Variants in MFSD2B observed in about 807,000 individuals in gnomAD.
MFSD2B encodes MFSD2 lysolipid transporter B, sphingolipid.
A neutral mutation model predicts 58.4 loss-of-function variants in MFSD2B; 56 were observed. The ratio of observed to expected loss-of-function variants is 0.96; its 90% confidence interval spans 0.77 to 1.20. The LOEUF (loss-of-function observed/expected upper bound fraction) is 1.20. MFSD2B is among the 50% of genes most tolerant of loss of function. The pLI, the probability that MFSD2B is intolerant of heterozygous loss-of-function variation, is 0.00. For synonymous variants in MFSD2B, 287 were observed against 294.4 expected (o/e 0.97, Z 0.26); for missense variants, 645 against 667.6 (o/e 0.97, Z 0.37).
At chr2:24,010,240 TC>T in intron 1 of MFSD2B, 48 bp downstream of exon 1, 1 of 1,296,962 alleles carries the variant, frequency 7.7e-7, no homozygotes, top group Non-Finnish European at 9.9e-7. Flanking sequence ...CTCGGGGAGC[TC>T]CAGGGCGTCG....
At chr2:24,013,690 G>A (rs894777841) in intron 2 of MFSD2B, among the ~76,000 whole-genome samples, 12 of 151,874 alleles carry the variant, frequency 7.9e-5, no homozygotes, top group African/African-American at 2.4e-4. Context: ...TGTCCAACCC[G>A]CGGCGGGACG....
rs529024929 is a variant in MFSD2B, at chr2:24,025,825, G to C, written c.*369G>C. On this transcript the variant is annotated 3_prime_UTR_variant, in exon 14 of 14. Transcript: ENST00000338315. ...TGCAAAATCCGCCTCCCGGGTTCAC[G>C]CCATTCTCCTGCCTCAGCCTCCCGA... The C allele has an allele frequency of 2.8e-4, 57 of 205,572 alleles. No individual in the cohort carries two copies. The highest frequency in any genetic ancestry group is 1.2e-3 in the African/African-American group (53 of 43,670). The allele number at this position is 205,572 out of a possible 1,614,324, so 12.7% of individuals were successfully genotyped here.
At position 24,024,828 on chromosome 2, in the gene MFSD2B, G is replaced by A. The variant is rs900197992; in HGVS notation, c.1490+557G>A. ...GGAGTCTTCTGCTCTTCCCTCCCAC[G>A]GGCAATACTGAGCAGGTCTCTGACC... On this transcript the variant is annotated intron_variant, in intron 13 of 13. Transcript: ENST00000338315. This position sits in a 1 kb window ranked among gnomAD's most constrained non-coding sequence, Gnocchi z 4.3. Among the ~76,000 whole-genome samples, 3 of 151,998 alleles carry A rather than the reference G, an allele frequency of 2.0e-5. No homozygotes were observed. The highest frequency in any genetic ancestry group is 6.6e-5 in the Admixed American group (1 of 15,266).
At chr2:24,011,905 A>G (rs949564706) in intron 1 of MFSD2B, among the ~76,000 whole-genome samples, 1 of 152,194 alleles carries the variant, frequency 6.6e-6, no homozygotes, top group African/African-American at 2.4e-5. Flanking sequence ...TCAAACCAGA[A>G]TGACAAGGAG....
chr2:24,010,992 G>A (rs940349584), intron 1 of MFSD2B, among the ~76,000 whole-genome samples: 30 of 152,354 alleles, frequency 2.0e-4, no homozygotes, highest in African/African-American at 6.7e-4. Flanking sequence ...TTCAGGGTGA[G>A]ATTAACAGCA....
intron 1 of MFSD2B, 45 bp from the exon 2 acceptor site, chr2:24,013,240 T>C: frequency 6.5e-7 from 1 of 1,541,248 alleles, no homozygotes. Flanking sequence ...GGGGACCTGT[T>C]TTGTGTCTGT....
At position 24,023,587 on chromosome 2, in the gene MFSD2B, A is replaced by C. The variant is rs751838836; in HGVS notation, c.1174A>C (p.Met392Leu). 1 of 1,613,624 alleles carries C rather than the reference A, an allele frequency of 6.2e-7. No individual in the cohort carries two copies. The highest frequency in any genetic ancestry group is 1.7e-5 in the Admixed American group (1 of 59,974). Reference protein sequence around the residue: ...IAVSLLLPWSMLPDVVDDFQL... With the variant: ...IAVSLLLPWSLLPDVVDDFQL... ...AACTCCACACCCCCGCCGCAGGTCC[A>C]TGCTGCCAGACGTGGTGGATGACTT... Residue 392 changes from methionine to leucine, a missense_variant, in exon 12 of 14, where the codon ATG (methionine) becomes CTG (leucine). Coordinates refer to ENST00000338315, the MANE Select transcript of MFSD2B (RefSeq NM_001346880.2). This position sits in a 1 kb window ranked among gnomAD's most constrained non-coding sequence, Gnocchi z 5.0.
In MFSD2B at chr2:24,021,814, C is replaced by T. The variant is rs779966231; in HGVS notation, c.773-35C>T. ...TGGGGGCAGGTTTTGCTTTTGAACT[C>T]TGCGAAGCCAAGGTGACACGCTTCT... On this transcript the variant is annotated intron_variant, in intron 7 of 13. Coordinates refer to ENST00000338315, the MANE Select transcript of MFSD2B (RefSeq NM_001346880.2). The surrounding 1 kb of genome is among the most constrained non-coding windows in gnomAD (Gnocchi z 5.7). 6.2e-6 allele frequency: 10 copies of T among 1,613,450 alleles called. No homozygotes were observed. In the South Asian group the frequency reaches 7.7e-5, roughly 12 times the overall value.
chr2:24,023,052 G>GTT lies in MFSD2B; in HGVS notation c.1060-77_1060-76insTT. 7.3e-7 allele frequency: 1 copy of GTT among 1,376,828 alleles called. No individual in the cohort carries two copies. The highest frequency in any genetic ancestry group is 1.0e-6 in the Non-Finnish European group (1 of 971,654). The allele number at this position is 1,376,828 out of a possible 1,614,324, so 85.3% of individuals were successfully genotyped here. On this transcript the variant is annotated intron_variant, in intron 10 of 13. Coordinates refer to ENST00000338315, the MANE Select transcript of MFSD2B (RefSeq NM_001346880.2). The surrounding 1 kb of genome is among the most constrained non-coding windows in gnomAD (Gnocchi z 5.0). ...TAGCACAGGGCAAGGCATGGGGGTC[G>GTT]TCAGTCGAGTCGTGTGTGAAGGAGC...
chr2:24,023,873 G>T lies in MFSD2B; in HGVS notation c.1313+147G>T. On this transcript the variant is annotated intron_variant, in intron 12 of 13. Coordinates refer to ENST00000338315, the MANE Select transcript of MFSD2B (RefSeq NM_001346880.2). The surrounding 1 kb of genome is among the most constrained non-coding windows in gnomAD (Gnocchi z 5.0). ...GAGAGTGTGGGGAACCACTTCCCCA[G>T]GTTTCTCTGTGCATGAGACTGAGAG... 1 of 1,107,566 alleles carries T rather than the reference G, an allele frequency of 9.0e-7. No homozygotes were observed. Among genetic ancestry groups the T allele is most frequent in the Non-Finnish European group, 1.3e-6 (1 of 768,994 alleles). The allele number at this position is 1,107,566 out of a possible 1,614,324, so 68.6% of individuals were successfully genotyped here.
chr2:24,013,111 T>G (rs958217500), intron 1 of MFSD2B, 174 bp from the exon 2 acceptor site: 13 of 507,608 alleles, frequency 2.6e-5, no homozygotes, highest in African/African-American at 2.3e-4. Flanking sequence ...TAGGATCTTT[T>G]TTCTCTTCGT....
chr2:24,021,555 T>A lies in MFSD2B; in HGVS notation c.682-93T>A. On this transcript the variant is annotated intron_variant, in intron 6 of 13. Transcript: ENST00000338315. The surrounding 1 kb of genome is among the most constrained non-coding windows in gnomAD (Gnocchi z 5.7). ...GGGCTTGGGTTGTGCCTCCCTCCGC[T>A]CCCACTGGGAGGCAGTACTGCCCTG... The A allele has an allele frequency of 8.5e-7, 1 of 1,178,594 alleles. No homozygotes were observed. The highest frequency in any genetic ancestry group is 1.9e-4 in the Middle Eastern group (1 of 5,222). The allele number at this position is 1,178,594 out of a possible 1,614,324, so 73.0% of individuals were successfully genotyped here. A position where few individuals can be genotyped will look rare whatever the true frequency, so the allele number is the denominator to read the frequency against.
Position 24,022,519 on chromosome 2 carries a change from G to A in MFSD2B, c.978+3G>A, listed in dbSNP as rs775011370. 3 of 1,611,462 alleles carry A rather than the reference G, an allele frequency of 1.9e-6. No homozygotes were observed. In the African/African-American group the frequency reaches 4.0e-5, roughly 22 times the overall value. ...AGGGCCTGGTACTAACTGTCCTGGT[G>A]AGGGGGCCTGGGGTGGTGGAGGCTA... On this transcript the variant is annotated splice_donor_region_variant and intron_variant, in intron 9 of 13. Coordinates refer to ENST00000338315, the MANE Select transcript of MFSD2B (RefSeq NM_001346880.2). This position sits in a 1 kb window ranked among gnomAD's most constrained non-coding sequence, Gnocchi z 4.5.
chr2:24,023,539 G>C lies in MFSD2B; in HGVS notation c.1170-44G>C, dbSNP rs1391297124. The stretch of plus-strand genomic sequence containing the variant: ...TCCCCAGAGAATTCACAGGCTGCTG[G>C]TGGCCAAGGGGCTAGGAGGGCTAAC... On this transcript the variant is annotated intron_variant, in intron 11 of 13. Transcript: ENST00000338315. The surrounding 1 kb of genome is among the most constrained non-coding windows in gnomAD (Gnocchi z 5.0). 6.3e-7 allele frequency: 1 copy of C among 1,585,830 alleles called. No individual in the cohort carries two copies.
In MFSD2B at chr2:24,025,494, G is replaced by C; in HGVS notation, c.*38G>C. 6.5e-7 allele frequency: 1 copy of C among 1,529,994 alleles called. No individual in the cohort carries two copies. 94.8% of individuals were successfully genotyped at this position (1,529,994 alleles called of 1,614,324 possible). On this transcript the variant is annotated 3_prime_UTR_variant, in exon 14 of 14. Coordinates refer to ENST00000338315, the MANE Select transcript of MFSD2B (RefSeq NM_001346880.2). Reference sequence around the variant, plus strand: ...CGACTGTGAATGGACACAGGAGCCAGCACCCTCGGGGCCTGACATCGCCCT... The same window carrying C: ...CGACTGTGAATGGACACAGGAGCCACCACCCTCGGGGCCTGACATCGCCCT...
At position 24,017,613 on chromosome 2, in the gene MFSD2B, C is replaced by T. The variant is rs974397150; in HGVS notation, c.681+25C>T. ...AGTAAGTGCACTGGGTGGCAAGGCCCCCCAACCTGGGGTCCCCTCTGCAGG... is the reference window on the plus strand; with the variant it reads ...AGTAAGTGCACTGGGTGGCAAGGCCTCCCAACCTGGGGTCCCCTCTGCAGG... On this transcript the variant is annotated intron_variant, in intron 6 of 13. Coordinates refer to ENST00000338315, the MANE Select transcript of MFSD2B (RefSeq NM_001346880.2). This position sits in a 1 kb window ranked among gnomAD's most constrained non-coding sequence, Gnocchi z 4.8. The T allele has an allele frequency of 8.5e-6, 13 of 1,530,188 alleles. No individual in the cohort carries two copies. Among genetic ancestry groups the T allele is most frequent in the Middle Eastern group, 2.3e-4 (1 of 4,424 alleles). The allele number at this position is 1,530,188 out of a possible 1,614,324, so 94.8% of individuals were successfully genotyped here. A position where few individuals can be genotyped will look rare whatever the true frequency, so the allele number is the denominator to read the frequency against.
In MFSD2B at chr2:24,016,792, G is replaced by T. The variant is rs558750509; in HGVS notation, c.348-53G>T. ...GGGGTTCCTCCAGGCTGGGCCCTTTGTGTTCCCCTGTCTGGGTCGGGGGGC... is the reference window on the plus strand; with the variant it reads ...GGGGTTCCTCCAGGCTGGGCCCTTTTTGTTCCCCTGTCTGGGTCGGGGGGC... On this transcript the variant is annotated intron_variant, in intron 3 of 13. Coordinates refer to ENST00000338315, the MANE Select transcript of MFSD2B (RefSeq NM_001346880.2). 227 of 1,601,928 alleles carry T rather than the reference G, an allele frequency of 1.4e-4. 1 individual carries two copies. In the African/African-American group the frequency reaches 2.8e-3, roughly 20 times the overall value.
rs1157783700 is a variant in MFSD2B, at chr2:24,013,399, G to A, written c.211G>A (p.Asp71Asn). Reference sequence around the variant, plus strand: ...CTTTTACCTGCAGCTTTTCCTGCTTGATATAGCACAGGTAAGTGTGGGCAG... The same window carrying A: ...CTTTTACCTGCAGCTTTTCCTGCTTAATATAGCACAGGTAAGTGTGGGCAG... ...TAFYLQLFLLDIAQIPAAQVS... is the reference protein window; with the variant it reads ...TAFYLQLFLLNIAQIPAAQVS... The change falls in exon 2 of 14, where the codon GAT becomes AAT. Residue 71 changes from aspartate (D) to asparagine (N), a missense_variant. Physicochemically the swap from Asp to Asn is conservative, Grantham distance 23. Transcript: ENST00000338315. 13 of 1,607,320 alleles carry A rather than the reference G, an allele frequency of 8.1e-6. No individual in the cohort carries two copies. Among genetic ancestry groups the A allele is most frequent in the Non-Finnish European group, 1.0e-5 (12 of 1,176,904 alleles).
Position 24,025,574 on chromosome 2 carries a change from G to GA in MFSD2B, c.*119dup. 1 of 940,780 alleles carries GA rather than the reference G, an allele frequency of 1.1e-6. No individual in the cohort carries two copies. The highest frequency in any genetic ancestry group is 1.4e-5 in the South Asian group (1 of 70,236). The allele number at this position is 940,780 out of a possible 1,614,324, so 58.3% of individuals were successfully genotyped here. Reference sequence around the variant, plus strand: ...TTTAGTATGTGACCTTTCTCCCTGGGATGTGGAGTCTTCGGCAACGTGTCC... The same window carrying GA: ...TTTAGTATGTGACCTTTCTCCCTGGGAATGTGGAGTCTTCGGCAACGTGTCC... On this transcript the variant is annotated 3_prime_UTR_variant, in exon 14 of 14. Coordinates refer to ENST00000338315, the MANE Select transcript of MFSD2B (RefSeq NM_001346880.2).
Sources: allele counts gnomAD v4.1 joint callset (sites outside exome capture counted in the v4.1 genomes callset), GRCh38; gene constraint gnomAD v4.1.1; non-coding constraint Gnocchi (gnomAD v3.1); transcripts MANE v1.5; gene names NCBI Gene and HGNC (gene_info 2026-07-23, HGNC 2026-07-21).